The following RIPK1 variants were observed in gnomAD, a reference collection of about 807,000 sequenced individuals.
The protein encoded by RIPK1 is receptor interacting serine/threonine kinase 1.
Under a neutral mutation model 62.4 loss-of-function variants are expected in RIPK1, and 27 were observed. That is an observed-to-expected ratio of 0.43 (90% CI 0.32 to 0.60). The LOEUF is 0.60. Among genes scored for constraint, RIPK1 ranks in the 20% least tolerant of loss-of-function variants. RIPK1 has a pLI of 0.07. For synonymous variants in RIPK1, 287 were observed against 303.2 expected (o/e 0.95, Z 0.55); for missense variants, 735 against 831.0 (o/e 0.88, Z 1.42).
chr6:3,085,282 A>G lies in RIPK1; in HGVS notation c.712A>G (p.Ile238Val). 1 of 1,614,250 alleles carries G rather than the reference A, an allele frequency of 6.2e-7. No individual in the cohort carries two copies. The highest frequency in any genetic ancestry group is 8.5e-7 in the Non-Finnish European group (1 of 1,180,044). Reference sequence around the variant, plus strand: ...AGATGCTATCTGTGAGCAGCAGTTGATAATGTGCATAAAATCTGGGAACAG... The same window carrying G: ...AGATGCTATCTGTGAGCAGCAGTTGGTAATGTGCATAAAATCTGGGAACAG... ...YENAICEQQL[I>V]MCIKSGNRPD... Residue 238 changes from isoleucine to valine, a missense_variant, in exon 6 of 11, where the codon ATA becomes GTA. This residue lies in a region of RIPK1 where 671 missense variants were observed against 726.2 expected (regional missense o/e 0.92). Transcript: ENST00000259808.
intron 1 of RIPK1, 92 bp downstream of exon 1, chr6:3,068,753 C>A (rs943749630): frequency 2.5e-6 from 2 of 795,030 alleles, no homozygotes; most frequent in South Asian, 5.7e-5. Flanking sequence ...CGCCCTCCCC[C>A]AGCACGCCCG....
At chr6:3,068,417 C>A (rs1326863570), upstream of RIPK1, 50 of 985,402 alleles carry the variant, frequency 5.1e-5, no homozygotes, top group Non-Finnish European at 6.0e-5. Context: ...GCGCGAGGTC[C>A]CACGAGCGGC....
Position 3,078,218 on chromosome 6 carries a change from C to T in RIPK1, c.321+283C>T, listed in dbSNP as rs571184798. Reference sequence around the variant, plus strand: ...CAGTTTCTCCTTAAAACATCTATGCCTTGATTGGGCTCCGTGGGTCACTTC... The same window carrying T: ...CAGTTTCTCCTTAAAACATCTATGCTTTGATTGGGCTCCGTGGGTCACTTC... On this transcript the variant is annotated intron_variant, in intron 3 of 10. Transcript: ENST00000259808. 5.3e-5 allele frequency among the ~76,000 whole-genome samples: 8 copies of T among 152,250 alleles called. No individual in the cohort carries two copies. In the South Asian group the frequency reaches 1.7e-3, roughly 32 times the overall value.
At chr6:3,082,494 C>T (rs552530317) in intron 4 of RIPK1, among the ~76,000 whole-genome samples, 7 of 151,168 alleles carry the variant, frequency 4.6e-5, no homozygotes, top group African/African-American at 1.7e-4. Context: ...TGCTATTTTT[C>T]TCTCTGCTTT....
Position 3,084,088 on chromosome 6 carries a change from T to C in RIPK1, c.688+775T>C, listed in dbSNP as rs17513311. Among the ~76,000 whole-genome samples, 550 of 152,248 alleles carry C rather than the reference T, an allele frequency of 3.6e-3. 1 individual carries two copies. Among genetic ancestry groups the C allele is most frequent in the African/African-American group, 0.012 (514 of 41,522 alleles). Reference sequence around the variant, plus strand: ...TCTCAAAACCTGTGAATTCAAGATATATGTATGACTCAAGATATATCTGCA... The same window carrying C: ...TCTCAAAACCTGTGAATTCAAGATACATGTATGACTCAAGATATATCTGCA... On this transcript the variant is annotated intron_variant, in intron 5 of 10. Coordinates refer to ENST00000259808, the MANE Select transcript of RIPK1 (RefSeq NM_001354930.2).
chr6:3,106,236 G>A (rs929193175), intron 9 of RIPK1, among the ~76,000 whole-genome samples, 185 bp downstream of exon 9: 6 of 152,072 alleles, frequency 3.9e-5, no homozygotes, highest in Non-Finnish European at 8.8e-5. Flanking sequence ...ATTTCATCTG[G>A]GGCTAGGATT....
At chr6:3,077,097 G>C in intron 2 of RIPK1, 110 bp downstream of exon 2, 2 of 999,142 alleles carry the variant, frequency 2.0e-6, no homozygotes, top group Non-Finnish European at 1.4e-6. Flanking sequence ...GTGAGAGGGA[G>C]CCTGCCAAGA....
At position 3,068,602 on chromosome 6, in the gene RIPK1, G is replaced by T; in HGVS notation, c.-120G>T. The T allele has an allele frequency of 1.0e-6, 1 of 985,336 alleles. No homozygotes were observed. The highest frequency in any genetic ancestry group is 1.2e-6 in the Non-Finnish European group (1 of 829,930). The allele number at this position is 985,336 out of a possible 1,614,324, so 61.0% of individuals were successfully genotyped here. A position where few individuals can be genotyped will look rare whatever the true frequency, so the allele number is the denominator to read the frequency against. Reference sequence around the variant, plus strand: ...GGGGCGCCAGAGCGCGGCCATCCGGGCGGGGCCGACGGAGCGCGGCAGGAC... The same window carrying T: ...GGGGCGCCAGAGCGCGGCCATCCGGTCGGGGCCGACGGAGCGCGGCAGGAC... On this transcript the variant is annotated 5_prime_UTR_variant, in exon 1 of 11. Transcript: ENST00000259808.
intron 7 of RIPK1, among the ~76,000 whole-genome samples, chr6:3,096,505 T>C (rs7772228): frequency 0.15 from 21,980 of 149,536 alleles, 4,197 homozygotes; most frequent in African/African-American, 0.44. Context: ...TCAGCTCTTC[T>C]CAAATTGATC....
chr6:3,079,978 G>A (rs1231385267), intron 3 of RIPK1, among the ~76,000 whole-genome samples: 1 of 152,190 alleles, frequency 6.6e-6, no homozygotes, highest in Non-Finnish European at 1.5e-5. Context: ...GGCATCAGGA[G>A]GACCTGAGAG....
chr6:3,087,910 G>A (rs1404250017), intron 6 of RIPK1, among the ~76,000 whole-genome samples: 2 of 151,690 alleles, frequency 1.3e-5, no homozygotes, highest in Non-Finnish European at 2.9e-5. Context: ...CTTTTTTGCT[G>A]AGACTTTCTA....
chr6:3,102,688 C>A (rs1351693525), intron 7 of RIPK1, among the ~76,000 whole-genome samples: 3 of 152,180 alleles, frequency 2.0e-5, no homozygotes, highest in Non-Finnish European at 4.4e-5. Flanking sequence ...GCAACCTCCG[C>A]CTCCCGGGTT....
upstream of RIPK1, among the ~76,000 whole-genome samples, chr6:3,065,514 G>C (rs1211818393): frequency 6.6e-6 from 1 of 151,944 alleles, no homozygotes; most frequent in African/African-American, 2.4e-5. Flanking sequence ...TGGGCGTAGA[G>C]GGCAGGCCTT....
At chr6:3,078,099 T>C (rs569437811) in intron 3 of RIPK1, among the ~76,000 whole-genome samples, 164 bp downstream of exon 3, 115 of 152,366 alleles carry the variant, frequency 7.5e-4, no homozygotes, top group Non-Finnish European at 1.1e-3. Context: ...GGTCTTGCTA[T>C]GTTGCCCAGG....
At position 3,077,910 on chromosome 6, in the gene RIPK1, A is replaced by C; in HGVS notation, c.296A>C (p.Asn99Thr). Residue 99 changes from asparagine to threonine, a missense_variant, in exon 3 of 11, where the codon AAC becomes ACC. By Grantham distance (65) the Asn-to-Thr change is moderately conservative. Coordinates refer to ENST00000259808, the MANE Select transcript of RIPK1 (RefSeq NM_001354930.2). ...SLVMEYMEKG[N>T]LMHVLKAEMS... Reference sequence around the variant, plus strand: ...GTGATGGAGTACATGGAGAAGGGCAACCTGATGCACGTGCTGAAAGCCGAG... The same window carrying C: ...GTGATGGAGTACATGGAGAAGGGCACCCTGATGCACGTGCTGAAAGCCGAG... 6.2e-7 allele frequency: 1 copy of C among 1,614,112 alleles called. No individual in the cohort carries two copies. The highest frequency in any genetic ancestry group is 8.5e-7 in the Non-Finnish European group (1 of 1,180,026).
intron 2 of RIPK1, among the ~76,000 whole-genome samples, chr6:3,077,578 G>T (rs374490191): frequency 6.6e-6 from 1 of 152,072 alleles, no homozygotes; most frequent in African/African-American, 2.4e-5. Context: ...TTTGGAGCAT[G>T]CACTGCCAGT....
At chr6:3,100,423 C>T (rs1397428323) in intron 7 of RIPK1, among the ~76,000 whole-genome samples, 3 of 151,838 alleles carry the variant, frequency 2.0e-5, no homozygotes, top group Non-Finnish European at 4.4e-5. Flanking sequence ...AACTGTGTCT[C>T]AAATATATAT....
intron 6 of RIPK1, among the ~76,000 whole-genome samples, chr6:3,085,866 C>T (rs2077681): frequency 0.74 from 112,590 of 152,168 alleles, 47,737 homozygotes; most frequent in Non-Finnish European, 0.95. Flanking sequence ...GTCTGGCTTA[C>T]TCCACTTGGC....
At chr6:3,096,506 CA>C (rs1434298302) in intron 7 of RIPK1, among the ~76,000 whole-genome samples, 1 of 145,698 alleles carries the variant, frequency 6.9e-6, no homozygotes, top group Non-Finnish European at 1.5e-5. Flanking sequence ...CAGCTCTTCT[CA>C]AATTGATCTA....
Sources: gnomAD v4.1 joint callset for allele counts (sites outside exome capture counted in the v4.1 genomes callset) on GRCh38, gnomAD v4.1.1 for gene constraint, gnomAD v4.1.1 regional missense constraint, MANE v1.5 for transcripts, NCBI Gene and HGNC (gene_info 2026-07-23, HGNC 2026-07-21) for gene names.